Variants in IL1RAPL2 observed in about 807,000 individuals in gnomAD.
IL1RAPL2 encodes the protein X-linked interleukin-1 receptor accessory protein-like 2.
IL1RAPL2 carries 3 observed loss-of-function variants against 44.1 expected under a neutral mutation model. That is an observed-to-expected ratio of 0.07 (90% CI 0.03 to 0.18). The LOEUF (loss-of-function observed/expected upper bound fraction) is 0.18. Among genes scored for constraint, IL1RAPL2 ranks in the 10% least tolerant of loss-of-function variants. IL1RAPL2 has a pLI of 1.00. For synonymous variants in IL1RAPL2, 181 were observed against 178.8 expected, an observed-to-expected ratio of 1.01 and a Z score of -0.10; for missense variants, 391 against 496.4, an observed-to-expected ratio of 0.79 and a Z score of 2.02.
intron 2 of IL1RAPL2, among the ~76,000 whole-genome samples, chrX:104,796,028 C>G (rs372825841): frequency 1.1e-4 from 12 of 112,189 alleles, no homozygotes; most frequent in African/African-American, 3.2e-4. Context: ...GATCTCACTT[C>G]CATGAGAACA....
intron 2 of IL1RAPL2, among the ~76,000 whole-genome samples, chrX:105,170,423 A>T (rs994917188): frequency 9.0e-6 from 1 of 111,650 alleles, no homozygotes; most frequent in Non-Finnish European, 1.9e-5. Context: ...TGCTAAAGTT[A>T]TAAATCAAAT....
At chrX:105,511,696 A>C (rs2036470880) in intron 6 of IL1RAPL2, among the ~76,000 whole-genome samples, 1 of 111,573 alleles carries the variant, frequency 9.0e-6, no homozygotes, top group African/African-American at 3.3e-5. Context: ...GGAAAAACAA[A>C]TATTTCTACT....
chrX:104,846,735 T>C (rs1242737210), intron 2 of IL1RAPL2, among the ~76,000 whole-genome samples: 1 of 111,921 alleles, frequency 8.9e-6, no homozygotes, highest in Non-Finnish European at 1.9e-5. Context: ...CTGGGTCAAA[T>C]GGTATTTGTA....
chrX:104,658,172 G>A (rs1258658540), intron 1 of IL1RAPL2, among the ~76,000 whole-genome samples: 1 of 112,192 alleles, frequency 8.9e-6, no homozygotes, highest in Non-Finnish European at 1.9e-5. Flanking sequence ...GCACACGTAT[G>A]TTTATCATGG....
At chrX:105,604,608 A>G (rs1340188476) in intron 6 of IL1RAPL2, among the ~76,000 whole-genome samples, 2 of 111,374 alleles carry the variant, frequency 1.8e-5, no homozygotes, top group East Asian at 5.6e-4. Flanking sequence ...TTCTCAAACT[A>G]TTCCAAAGCA....
chrX:104,986,465 TATA>T, intron 2 of IL1RAPL2, among the ~76,000 whole-genome samples: 1 of 112,382 alleles, frequency 8.9e-6, no homozygotes, highest in East Asian at 2.8e-4. Context: ...TTTAAGAGAA[TATA>T]ATTTTTTGTC....
At chrX:105,405,765 A>G (rs956533453) in intron 5 of IL1RAPL2, 3 of 1,035,683 alleles carry the variant, frequency 2.9e-6, no homozygotes, top group African/African-American at 1.8e-5. Flanking sequence ...TCAGCATTCA[A>G]GAAATATTTA....
intron 2 of IL1RAPL2, among the ~76,000 whole-genome samples, chrX:104,996,121 T>C (rs1231270184): frequency 8.9e-6 from 1 of 111,741 alleles, no homozygotes; most frequent in Non-Finnish European, 1.9e-5. Context: ...TTCTTCACAG[T>C]GGGAACTTGA....
At chrX:104,779,813 T>G (rs1029289974) in intron 2 of IL1RAPL2, among the ~76,000 whole-genome samples, 5 of 110,613 alleles carry the variant, frequency 4.5e-5, no homozygotes, top group African/African-American at 1.6e-4. Context: ...GTTAAAAATG[T>G]GAGCAATGAT....
At position 105,355,209 on chromosome X, in the gene IL1RAPL2, A is replaced by G. The variant is rs138872023; in HGVS notation, c.697+87668A>G. 4.0e-4 allele frequency among the ~76,000 whole-genome samples: 45 copies of G among 111,552 alleles called. 1 individual carries two copies. The East Asian group carries it at 0.013, about 31-fold the overall frequency. On this transcript the variant is annotated intron_variant, in intron 5 of 10. Coordinates refer to ENST00000372582, the MANE Select transcript of IL1RAPL2 (RefSeq NM_017416.2). The stretch of plus-strand genomic sequence containing the variant: ...CCTCAGATTAAAGCCTAGAATGTCA[A>G]CATGTTAATACAAGATATGTGGTAC...
chrX:105,179,832 C>T (rs1443865281), intron 2 of IL1RAPL2, among the ~76,000 whole-genome samples: 2 of 108,673 alleles, frequency 1.8e-5, no homozygotes, highest in Admixed American at 2.0e-4. Flanking sequence ...TTTTGCACAC[C>T]GATTGCGTAA....
At chrX:105,516,933 G>T (rs955183726) in intron 6 of IL1RAPL2, among the ~76,000 whole-genome samples, 1 of 111,702 alleles carries the variant, frequency 9.0e-6, no homozygotes, top group Non-Finnish European at 1.9e-5. Context: ...TGGATTGGAG[G>T]ACTGAACAGG....
intron 1 of IL1RAPL2, among the ~76,000 whole-genome samples, chrX:104,621,158 T>C (rs1396278652): frequency 9.4e-6 from 1 of 105,881 alleles, no homozygotes; most frequent in East Asian, 2.9e-4. Flanking sequence ...ACATTATATA[T>C]ATATTACAAG....
At chrX:105,562,452 TA>T (rs772514884) in intron 6 of IL1RAPL2, among the ~76,000 whole-genome samples, 11 of 108,675 alleles carry the variant, frequency 1.0e-4, no homozygotes, top group Non-Finnish European at 2.1e-4. Flanking sequence ...CCAAAATGTA[TA>T]CACATACCAA....
intron 2 of IL1RAPL2, among the ~76,000 whole-genome samples, chrX:104,903,694 C>G: frequency 9.0e-6 from 1 of 110,889 alleles, no homozygotes; most frequent in Non-Finnish European, 1.9e-5. Context: ...TCTCCTGCCT[C>G]AGCCTCCCGA....
intron 2 of IL1RAPL2, among the ~76,000 whole-genome samples, chrX:104,953,075 T>C (rs1244073610): frequency 8.9e-6 from 1 of 112,033 alleles, no homozygotes; most frequent in Non-Finnish European, 1.9e-5. Flanking sequence ...AAAGTTTTTT[T>C]TTTCTTTTAG....
intron 6 of IL1RAPL2, among the ~76,000 whole-genome samples, chrX:105,522,529 C>T (rs1602449514): frequency 8.9e-6 from 1 of 112,097 alleles, no homozygotes; most frequent in Non-Finnish European, 1.9e-5. Context: ...TTGATACTTT[C>T]TCTGCCTACA....
intron 2 of IL1RAPL2, among the ~76,000 whole-genome samples, chrX:105,012,598 TTCTCTCTCTCTCTCTCTCTCTCTC>T (rs1174323282): frequency 9.7e-5 from 5 of 51,726 alleles, no homozygotes; most frequent in African/African-American, 3.7e-4. Flanking sequence ...AACTTTCTCT[TTCTCTCTCTCTCTCTCTCTCTCTC>T]TCTCTCTCTC....
Position 104,755,646 on chromosome X carries a change from G to A in IL1RAPL2, c.82+96651G>A, listed in dbSNP as rs375140538. Among the ~76,000 whole-genome samples, 684 of 110,973 alleles carry A rather than the reference G, an allele frequency of 6.2e-3. 4 individuals carry two copies. Among genetic ancestry groups the A allele is most frequent in the Middle Eastern group, 0.018 (4 of 217 alleles). On this transcript the variant is annotated intron_variant, in intron 2 of 10. Transcript: ENST00000372582. ...TAGTTAAAATTCTCAAGTGAAAGTT[G>A]TGTCAGAACTTCAATTTAGAGTCCT...
Sources: allele counts gnomAD v4.1 joint callset (sites outside exome capture counted in the v4.1 genomes callset), GRCh38; gene constraint gnomAD v4.1.1; transcripts MANE v1.5; gene names NCBI Gene and HGNC (gene_info 2026-07-23, HGNC 2026-07-21).